The following LNPEP variants were observed in gnomAD, a reference collection of about 807,000 sequenced individuals.
The protein encoded by LNPEP is leucyl and cystinyl aminopeptidase, also known as leucyl-cystinyl aminopeptidase.
Under a neutral mutation model 120.6 loss-of-function variants are expected in LNPEP, and 64 were observed. The ratio of observed to expected loss-of-function variants is 0.53; its 90% CI spans 0.43 to 0.65. The LOEUF is 0.65. LNPEP is among the 30% of genes least tolerant of loss of function. The probability of loss-of-function intolerance (pLI) is 0.00; values close to 1 mark genes in which losing one functional copy is unlikely to be tolerated. For missense variants in LNPEP, 1,057 were observed against 1,200.0 expected (o/e 0.88, Z 1.76); for synonymous variants, 435 against 425.4 (o/e 1.02, Z -0.28).
intron 4 of LNPEP, among the ~76,000 whole-genome samples, chr5:96,992,504 A>G (rs1790412466): frequency 6.6e-6 from 1 of 152,164 alleles, no homozygotes; most frequent in Non-Finnish European, 1.5e-5. Flanking sequence ...TTTATGCCTT[A>G]TATGTTAACT....
chr5:96,969,007 T>C (rs187608429), intron 1 of LNPEP, among the ~76,000 whole-genome samples: 2 of 152,202 alleles, frequency 1.3e-5, no homozygotes, highest in African/African-American at 4.8e-5. Flanking sequence ...TTGTTTCACA[T>C]AGCTGTGACC....
At chr5:96,965,338 T>C (rs1026566367) in intron 1 of LNPEP, among the ~76,000 whole-genome samples, 3 of 150,568 alleles carry the variant, frequency 2.0e-5, no homozygotes, top group Non-Finnish European at 4.4e-5. Flanking sequence ...AAAAAAAAAG[T>C]AGATTGAGAA....
intron 2 of LNPEP, among the ~76,000 whole-genome samples, chr5:96,983,276 A>G (rs553004968): frequency 6.1e-4 from 92 of 151,504 alleles, no homozygotes; most frequent in Admixed American, 1.2e-3. Context: ...TATATGTGCT[A>G]TATTGATTGG....
chr5:96,991,164 C>G (rs1034280056), intron 4 of LNPEP, among the ~76,000 whole-genome samples: 3 of 152,174 alleles, frequency 2.0e-5, no homozygotes, highest in Non-Finnish European at 4.4e-5. Flanking sequence ...CATACGATGT[C>G]TGGTTTTCCA....
intron 1 of LNPEP, among the ~76,000 whole-genome samples, chr5:96,965,781 G>T (rs886706408): frequency 6.6e-6 from 1 of 152,012 alleles, no homozygotes; most frequent in East Asian, 1.9e-4. Context: ...GTCAACATGG[G>T]TTAAAAGAAT....
At chr5:96,945,842 C>T (rs1355926864) in intron 1 of LNPEP, among the ~76,000 whole-genome samples, 1 of 152,122 alleles carries the variant, frequency 6.6e-6, no homozygotes, top group Non-Finnish European at 1.5e-5. Flanking sequence ...ATTCCAAGAT[C>T]CTCTTTAGAG....
At chr5:97,019,797 CA>C (rs1791148056) in intron 13 of LNPEP, among the ~76,000 whole-genome samples, 1 of 151,910 alleles carries the variant, frequency 6.6e-6, no homozygotes. Context: ...TCCTATTTGA[CA>C]GTTATGAGTA....
intron 11 of LNPEP, among the ~76,000 whole-genome samples, chr5:97,008,728 G>C (rs1561450591): frequency 7.0e-6 from 1 of 143,826 alleles, no homozygotes; most frequent in Non-Finnish European, 1.5e-5. Context: ...GCAGTGGCGC[G>C]ATCTCAGCTC....
chr5:96,954,136 G>T (rs1789385567), intron 1 of LNPEP, among the ~76,000 whole-genome samples: 1 of 152,202 alleles, frequency 6.6e-6, no homozygotes, highest in African/African-American at 2.4e-5. Context: ...AAAGTTCCAA[G>T]TTGAAGTTAT....
rs1392515712 is a variant in LNPEP at position 97,013,650 on chromosome 5, G to A, written c.2038G>A (p.Val680Ile). 2 of 1,508,564 alleles carry A rather than the reference G, an allele frequency of 1.3e-6. No individual in the cohort carries two copies. Among genetic ancestry groups the A allele is most frequent in the Non-Finnish European group, 8.9e-7 (1 of 1,124,848 alleles). 93.4% of individuals were successfully genotyped at this position (1,508,564 alleles called of 1,614,324 possible). A position where few individuals can be genotyped will look rare whatever the true frequency, so the allele number is the denominator to read the frequency against. The change falls in exon 12 of 18, where the codon GTC becomes ATC. Residue 680 changes from valine (V) to isoleucine (I), a missense_variant and splice_region_variant. By Grantham distance (29) the Val-to-Ile change is conservative. Transcript: ENST00000231368. The part of the protein sequence containing the change: ...SVSLLDKKSG[V>I]INLTEEVLWV... ...CTCATTTTTTTGGTTTCCATTAGGTGTCATCAATCTTACAGAAGAAGTGCT... is the reference window on the plus strand; with the variant it reads ...CTCATTTTTTTGGTTTCCATTAGGTATCATCAATCTTACAGAAGAAGTGCT...
chr5:96,953,544 TAGAA>T (rs1383202487), intron 1 of LNPEP, among the ~76,000 whole-genome samples: 1 of 152,216 alleles, frequency 6.6e-6, no homozygotes, highest in Non-Finnish European at 1.5e-5. Flanking sequence ...GTTTATGCCG[TAGAA>T]TACAATGACG....
chr5:96,960,989 C>T (rs1329871324), intron 1 of LNPEP, among the ~76,000 whole-genome samples: 1 of 151,552 alleles, frequency 6.6e-6, no homozygotes, highest in Non-Finnish European at 1.5e-5. Context: ...TTTTGTTGTT[C>T]TGGTTTGGTC....
intron 1 of LNPEP, among the ~76,000 whole-genome samples, chr5:96,969,492 G>A (rs1789809634): frequency 6.6e-6 from 1 of 152,014 alleles, no homozygotes; most frequent in South Asian, 2.1e-4. Flanking sequence ...GGCTGGGCTT[G>A]TTAAAAGATC....
Position 96,944,641 on chromosome 5 carries a change from T to TCACTGCAAACTCCGCC in LNPEP, c.19+8468_19+8483dup, listed in dbSNP as rs1789144052. Among the ~76,000 whole-genome samples the TCACTGCAAACTCCGCC allele has an allele frequency of 2.3e-5, 3 of 132,504 alleles. 1 individual carries two copies. In the South Asian group the frequency reaches 8.0e-4, roughly 36 times the overall value. 86.9% of individuals were successfully genotyped at this position (132,504 alleles called of 152,430 possible). A position where few individuals can be genotyped will look rare whatever the true frequency, so the allele number is the denominator to read the frequency against. On this transcript the variant is annotated intron_variant, in intron 1 of 17. Coordinates refer to ENST00000231368, the MANE Select transcript of LNPEP (RefSeq NM_005575.3). ...TGGAGTGCAGTGGTGCAATCTCAGCTCACTGCAAACTCCGCCGCCCAGGTT... is the reference window on the plus strand; with the variant it reads ...TGGAGTGCAGTGGTGCAATCTCAGCTCACTGCAAACTCCGCCCACTGCAAACTCCGCCGCCCAGGTT...
chr5:96,984,222 C>T (rs1374623142), intron 2 of LNPEP, among the ~76,000 whole-genome samples: 1 of 152,162 alleles, frequency 6.6e-6, no homozygotes, highest in Non-Finnish European at 1.5e-5. Context: ...AAATTATTGC[C>T]AGAACAACTC....
intron 1 of LNPEP, chr5:96,937,317 T>G (rs972233357): frequency 2.3e-4 from 35 of 152,248 alleles, no homozygotes; most frequent in African/African-American, 8.0e-4. Flanking sequence ...AACTACTGAT[T>G]ATATTCTCCC....
chr5:96,985,638 A>T (rs1439992929), intron 3 of LNPEP, among the ~76,000 whole-genome samples: 2 of 152,108 alleles, frequency 1.3e-5, no homozygotes, highest in African/African-American at 4.8e-5. Flanking sequence ...TAATATGGAG[A>T]TTGACAACTA....
intron 1 of LNPEP, chr5:96,958,415 A>C: frequency 3.2e-6 from 3 of 938,718 alleles, no homozygotes; most frequent in Non-Finnish European, 3.8e-6. Context: ...AGCTATACCA[A>C]GCATAACTCG....
chr5:96,995,374 A>G (rs1790488762), intron 6 of LNPEP, among the ~76,000 whole-genome samples: 1 of 152,146 alleles, frequency 6.6e-6, no homozygotes, highest in South Asian at 2.1e-4. Context: ...CAAATTACAT[A>G]TTTTACAACT....
Sources: gnomAD v4.1 joint callset for allele counts (sites outside exome capture counted in the v4.1 genomes callset) on GRCh38, gnomAD v4.1.1 for gene constraint, MANE v1.5 for transcripts, NCBI Gene and HGNC (gene_info 2026-07-23, HGNC 2026-07-21) for gene names.